ZNF611: variants seen among roughly 807,000 people sequenced by gnomAD.
The protein encoded by ZNF611 is zinc finger protein 611.
In ZNF611, 6 loss-of-function variants were observed where a neutral mutation model predicts 8.9. That is an observed-to-expected ratio of 0.68 (90% confidence interval 0.37 to 1.34). The LOEUF (loss-of-function observed/expected upper bound fraction) is 1.34. Among genes scored for constraint, ZNF611 ranks in the 40% most tolerant of loss-of-function variants. The pLI is 0.02. For synonymous variants in ZNF611, 262 were observed against 279.7 expected (o/e 0.94, Z 0.63); for missense variants, 874 against 841.3 (o/e 1.04, Z -0.48).
At chr19:52,734,541 G>GC (rs1555797714) in intron 1 of ZNF611, among the ~76,000 whole-genome samples, 1 of 54,712 alleles carries the variant, frequency 1.8e-5, no homozygotes, top group Non-Finnish European at 3.6e-5. Flanking sequence ...CGGGGCGGGG[G>GC]GGGGGGGCGC....
intron 3 of ZNF611, chr19:52,717,725 G>A: frequency 1.0e-6 from 1 of 982,216 alleles, no homozygotes; most frequent in Non-Finnish European, 1.2e-6. Flanking sequence ...AGGGAATTGA[G>A]GGAGACACTT....
intron 1 of ZNF611, among the ~76,000 whole-genome samples, chr19:52,734,695 T>A (rs1053099164): frequency 6.6e-6 from 1 of 152,108 alleles, no homozygotes; most frequent in Non-Finnish European, 1.5e-5. Context: ...AGAATCCACA[T>A]CGCGGGTGAA....
intron 3 of ZNF611, among the ~76,000 whole-genome samples, chr19:52,726,178 T>TTGCTTGGGATGCGGGACTGGG (rs2062391835): frequency 6.6e-6 from 1 of 152,116 alleles, no homozygotes; most frequent in Non-Finnish European, 1.5e-5. Context: ...CCTAGAGCCT[T>TTGCTTGGGATGCGGGACTGGG]TGCTTGGGAT....
At chr19:52,714,981 A>G (rs1338740973) in intron 4 of ZNF611, among the ~76,000 whole-genome samples, 2 of 151,962 alleles carry the variant, frequency 1.3e-5, no homozygotes, top group African/African-American at 4.8e-5. Flanking sequence ...CTGGCAACAG[A>G]GCAAGACTCC....
At chr19:52,719,411 G>T (rs897350751) in intron 3 of ZNF611, among the ~76,000 whole-genome samples, 2 of 152,180 alleles carry the variant, frequency 1.3e-5, no homozygotes, top group Non-Finnish European at 2.9e-5. Context: ...TCAAGTCACT[G>T]TCCTCTGGCT....
chr19:52,728,282 T>C (rs2062404726), intron 3 of ZNF611, among the ~76,000 whole-genome samples: 1 of 144,870 alleles, frequency 6.9e-6, no homozygotes, highest in South Asian at 2.6e-4. Context: ...GTCACGCCTG[T>C]AATCCCAGGA....
rs1448872846 is a variant in ZNF611, at chr19:52,729,980, T to C, written c.-196A>G. 6.6e-6 allele frequency: 1 copy of C among 152,330 alleles called. No homozygotes were observed. Among genetic ancestry groups the C allele is most frequent in the East Asian group, 1.9e-4 (1 of 5,184 alleles). 9.4% of individuals were successfully genotyped at this position (152,330 alleles called of 1,614,324 possible). A position where few individuals can be genotyped will look rare whatever the true frequency, so the allele number is the denominator to read the frequency against. On this transcript the variant is annotated 5_prime_UTR_variant, in exon 2 of 6. Coordinates refer to ENST00000652185, the MANE Select transcript of ZNF611 (RefSeq NM_001161499.2). ...AGGCAATACAGCAATTTTGTATATA[T>C]GCATTGTCCTTCGTTATCTAGTCAA...
rs118059269 is a variant in ZNF611 at position 52,727,842 on chromosome 19, T to C, written c.-20+888A>G. ...ACAGGTCCATAGCTTTAAATTTGAATCATTTGATGTTTGAATTATTTAATT... is the reference window on the plus strand; with the variant it reads ...ACAGGTCCATAGCTTTAAATTTGAACCATTTGATGTTTGAATTATTTAATT... On this transcript the variant is annotated intron_variant, in intron 3 of 5. Transcript: ENST00000652185. Among the ~76,000 whole-genome samples the C allele has an allele frequency of 2.3e-3, 356 of 151,798 alleles. 3 individuals are homozygous for C. The East Asian group carries it at 0.025, about 11-fold the overall frequency.
rs544826189 is a variant in ZNF611, at chr19:52,714,061, C to T, written c.144G>A (p.Leu48=). The change falls in exon 5 of 6, where the codon TTG becomes TTA. Residue 48 remains leucine (L), a synonymous_variant. Coordinates refer to ENST00000652185, the MANE Select transcript of ZNF611 (RefSeq NM_001161499.2). ...WKCLNPSQRA[L]YREVMLENYR... is the part of the protein sequence containing the mutation. ...AGTTCTCCAACATCACTTCCCTGTA[C>T]AAAGCCCTCTGTGAAGGGTTCAGGC... The T allele has an allele frequency of 6.2e-7, 1 of 1,614,098 alleles. No homozygotes were observed. The highest frequency in any genetic ancestry group is 1.3e-5 in the African/African-American group (1 of 75,026).
chr19:52,722,315 G>A (rs532093975), intron 3 of ZNF611, among the ~76,000 whole-genome samples: 11 of 152,142 alleles, frequency 7.2e-5, no homozygotes, highest in Non-Finnish European at 4.4e-5. Flanking sequence ...CTAAGAGGTC[G>A]AGGCTGCAGT....
chr19:52,728,143 G>C (rs997872980), intron 3 of ZNF611, among the ~76,000 whole-genome samples: 2 of 151,974 alleles, frequency 1.3e-5, no homozygotes, highest in African/African-American at 4.8e-5. Context: ...CCTGACCTCG[G>C]GATTGGCCAG....
At chr19:52,731,717 T>A (rs2062426661) in intron 1 of ZNF611, among the ~76,000 whole-genome samples, 1 of 151,560 alleles carries the variant, frequency 6.6e-6, no homozygotes, top group South Asian at 2.1e-4. Context: ...ACGCCCGTAA[T>A]CCCAGCACTT....
chr19:52,710,265 C>A (rs1301718212), intron 5 of ZNF611, among the ~76,000 whole-genome samples: 1 of 148,568 alleles, frequency 6.7e-6, no homozygotes, highest in East Asian at 2.0e-4. Flanking sequence ...GAATCTAACT[C>A]TGTCACCCGG....
intron 3 of ZNF611, among the ~76,000 whole-genome samples, chr19:52,718,427 C>T (rs1192201716): frequency 1.3e-5 from 2 of 151,844 alleles, no homozygotes; most frequent in African/African-American, 4.8e-5. Context: ...ATCACTTGAG[C>T]CCAGGAGGTT....
At position 52,714,790 on chromosome 19, in the gene ZNF611, GA is replaced by G. The variant is rs1218756611; in HGVS notation, c.64-650del. ...CAAGACGGGCAGATAATGTGGTCAAGAGATTGAGACCATCCTGGTCAACATG... is the reference window on the plus strand; with the variant it reads ...CAAGACGGGCAGATAATGTGGTCAAGGATTGAGACCATCCTGGTCAACATG... On this transcript the variant is annotated intron_variant, in intron 4 of 5. Transcript: ENST00000652185. Among the ~76,000 whole-genome samples, 5 of 148,254 alleles carry G rather than the reference GA, an allele frequency of 3.4e-5. 2 individuals carry two copies. Among genetic ancestry groups the G allele is most frequent in the African/African-American group, 5.1e-5 (2 of 39,466 alleles).
Position 52,703,232 on chromosome 19 carries a change from AGAAG to A in ZNF611, c.*1701_*1704del, listed in dbSNP as rs2062216160. On this transcript the variant is annotated 3_prime_UTR_variant, in exon 6 of 6. Transcript: ENST00000652185. ...AAATGAAGAGGAACCAGAAAGAAAAAGAAGGAAGTCCATTATACGAGAAGAAAAG... is the reference window on the plus strand; with the variant it reads ...AAATGAAGAGGAACCAGAAAGAAAAAGAAGTCCATTATACGAGAAGAAAAG... 1 of 152,170 alleles carries A rather than the reference AGAAG, an allele frequency of 6.6e-6. No individual in the cohort carries two copies. Among genetic ancestry groups the A allele is most frequent in the African/African-American group, 2.4e-5 (1 of 41,466 alleles). The allele number at this position is 152,170 out of a possible 1,614,324, so 9.4% of individuals were successfully genotyped here. A position where few individuals can be genotyped will look rare whatever the true frequency, so the allele number is the denominator to read the frequency against.
At chr19:52,730,966 C>T (rs1265368847) in intron 1 of ZNF611, among the ~76,000 whole-genome samples, 2 of 152,014 alleles carry the variant, frequency 1.3e-5, no homozygotes, top group South Asian at 2.1e-4. Context: ...GACCAAGTCA[C>T]GCTCTATCAC....
At chr19:52,714,282 T>C in intron 4 of ZNF611, 141 bp from the exon 5 acceptor site, 1 of 1,468,718 alleles carries the variant, frequency 6.8e-7, no homozygotes, top group Admixed American at 2.6e-5. Context: ...TTTTTGAATA[T>C]TTTTTCCCTA....
intron 5 of ZNF611, among the ~76,000 whole-genome samples, chr19:52,709,007 C>A (rs1189386173): frequency 6.6e-6 from 1 of 152,004 alleles, no homozygotes; most frequent in South Asian, 2.1e-4. Flanking sequence ...AGAATGTGTA[C>A]TAGGAAAATT....
Sources: gnomAD v4.1 joint callset for allele counts (sites outside exome capture counted in the v4.1 genomes callset) on GRCh38, gnomAD v4.1.1 for gene constraint, MANE v1.5 for transcripts, NCBI Gene and HGNC (gene_info 2026-07-23, HGNC 2026-07-21) for gene names.